OSBPL1A: variants seen among roughly 807,000 people sequenced by gnomAD.
OSBPL1A encodes the protein oxysterol-binding protein-related protein 1.
Under a neutral mutation model 137.1 loss-of-function variants are expected in OSBPL1A, and 80 were observed. The observed-to-expected ratio is 0.58, with a 90% confidence interval of 0.49 to 0.70. OSBPL1A has a LOEUF of 0.70. OSBPL1A is among the 30% of genes least tolerant of loss of function. The pLI is 0.00. For synonymous variants in OSBPL1A, 365 were observed against 389.7 expected (o/e 0.94, Z 0.75); for missense variants, 970 against 1,129.4 (o/e 0.86, Z 2.02).
chr18:24,336,222 G>T (rs893275887), intron 5 of OSBPL1A, among the ~76,000 whole-genome samples: 1 of 152,142 alleles, frequency 6.6e-6, no homozygotes, highest in Non-Finnish European at 1.5e-5. Flanking sequence ...CAATAAATAC[G>T]TGTTGAATAT....
intron 4 of OSBPL1A, 137 bp downstream of exon 4, chr18:24,366,755 G>T: frequency 1.4e-6 from 1 of 707,600 alleles, no homozygotes; most frequent in East Asian, 3.0e-5. Flanking sequence ...GTGGCCTTTT[G>T]ACCCAAAGTG....
intron 17 of OSBPL1A, among the ~76,000 whole-genome samples, chr18:24,215,362 C>A (rs904660786): frequency 1.3e-5 from 2 of 152,132 alleles, no homozygotes; most frequent in African/African-American, 4.8e-5. Context: ...ATAGCCCAGA[C>A]AATGAGAACA....
chr18:24,175,104 G>GTATATATATATATATATATATA (rs775433072), intron 21 of OSBPL1A, among the ~76,000 whole-genome samples: 3 of 42,720 alleles, frequency 7.0e-5, no homozygotes, highest in East Asian at 8.1e-4. Flanking sequence ...TTTGCCATGT[G>GTATATATATATATATATATATA]TATGTATATA....
chr18:24,166,616 T>G lies in OSBPL1A; in HGVS notation c.2622A>C (p.Leu874Phe). 1.2e-6 allele frequency: 2 copies of G among 1,613,380 alleles called. No homozygotes were observed. Among genetic ancestry groups the G allele is most frequent in the Non-Finnish European group, 1.7e-6 (2 of 1,179,770 alleles). Residue 874 changes from leucine to phenylalanine, a missense_variant, in exon 26 of 28, where the codon TTA becomes TTC. Around this residue, in one of 2 missense-constraint regions of OSBPL1A, gnomAD observed 323 missense variants for 456.8 expected, o/e 0.71. Transcript: ENST00000319481. ...TTTCCATGGCTCTGATGTCAGGCCG[T>G]AACCTGCAGTCTGTCTTGGGAATCA... ...ESVIPKTDCR[L>F]RPDIRAMENG...
intron 13 of OSBPL1A, among the ~76,000 whole-genome samples, chr18:24,307,131 A>T (rs1251176771): frequency 6.6e-6 from 1 of 151,966 alleles, no homozygotes; most frequent in Admixed American, 6.6e-5. Context: ...AACAATGAAA[A>T]AATTACCCAG....
At position 24,172,382 on chromosome 18, in the gene OSBPL1A, T is replaced by C. The variant is rs1466243565; in HGVS notation, c.2195A>G (p.Asn732Ser). The change falls in exon 22 of 28, where the codon AAC (asparagine) becomes AGC (serine). Residue 732 changes from asparagine to serine, a missense_variant. Coordinates refer to ENST00000319481, the MANE Select transcript of OSBPL1A (RefSeq NM_080597.4). ...AGTACCCAAGGTGCCTTACTTGTGG[T>C]TTATAATTTCCACATTGCCATACTG... ...IEQYGNVEII[N>S]HKTGDKCVLN... 6.2e-7 allele frequency: 1 copy of C among 1,611,140 alleles called. No homozygotes were observed. Among genetic ancestry groups the C allele is most frequent in the South Asian group, 1.1e-5 (1 of 90,960 alleles).
chr18:24,348,828 C>T (rs1158928731), intron 4 of OSBPL1A, among the ~76,000 whole-genome samples: 2 of 151,994 alleles, frequency 1.3e-5, no homozygotes, highest in African/African-American at 2.4e-5. Flanking sequence ...CCACAGTCTA[C>T]TATACAAACT....
intron 19 of OSBPL1A, among the ~76,000 whole-genome samples, chr18:24,180,493 ACTT>A (rs1252243441): frequency 2.0e-5 from 3 of 150,330 alleles, no homozygotes; most frequent in Non-Finnish European, 4.5e-5. Context: ...GTATGTGTTA[ACTT>A]CTTCTTGGAA....
intron 16 of OSBPL1A, 120 bp downstream of exon 16, chr18:24,239,100 T>C: frequency 8.2e-7 from 1 of 1,214,686 alleles, no homozygotes; most frequent in Admixed American, 2.6e-5. Context: ...TCGCTATCTG[T>C]TTATTCCAGG....
intron 14 of OSBPL1A, among the ~76,000 whole-genome samples, chr18:24,291,197 C>T (rs965476438): frequency 2.6e-5 from 4 of 152,058 alleles, no homozygotes; most frequent in African/African-American, 9.7e-5. Flanking sequence ...TGTGCAACAA[C>T]TTGAGGTATA....
chr18:24,164,824 C>T (rs1183965511), intron 27 of OSBPL1A, among the ~76,000 whole-genome samples: 1 of 152,226 alleles, frequency 6.6e-6, no homozygotes, highest in Non-Finnish European at 1.5e-5. Context: ...GGGATACCTG[C>T]ATCCCCACGT....
intron 4 of OSBPL1A, among the ~76,000 whole-genome samples, chr18:24,343,746 G>C (rs2091304138): frequency 6.6e-6 from 1 of 152,096 alleles, no homozygotes. Flanking sequence ...AAAATGGTAT[G>C]GGGAAAACTG....
intron 5 of OSBPL1A, among the ~76,000 whole-genome samples, chr18:24,336,048 G>A (rs2091168773): frequency 6.6e-6 from 1 of 152,144 alleles, no homozygotes; most frequent in African/African-American, 2.4e-5. Flanking sequence ...AACTCTTTGA[G>A]AACAGTGACA....
intron 14 of OSBPL1A, among the ~76,000 whole-genome samples, chr18:24,288,536 G>A (rs905170029): frequency 6.6e-6 from 1 of 152,194 alleles, no homozygotes; most frequent in Non-Finnish European, 1.5e-5. Flanking sequence ...GGGAGGCCAA[G>A]GCAGGCAGAT....
At chr18:24,339,748 C>A (rs536662852) in intron 5 of OSBPL1A, among the ~76,000 whole-genome samples, 5 of 152,320 alleles carry the variant, frequency 3.3e-5, no homozygotes, top group African/African-American at 1.2e-4. Flanking sequence ...CTCCACGTTA[C>A]TAAATTCATA....
chr18:24,194,181 T>C (rs937700080), intron 18 of OSBPL1A, among the ~76,000 whole-genome samples: 1 of 152,176 alleles, frequency 6.6e-6, no homozygotes, highest in Non-Finnish European at 1.5e-5. Context: ...CTAAACCATA[T>C]CTGAAATGTT....
At chr18:24,314,927 T>C (rs1396190606) in intron 11 of OSBPL1A, among the ~76,000 whole-genome samples, 1 of 152,172 alleles carries the variant, frequency 6.6e-6, no homozygotes, top group Non-Finnish European at 1.5e-5. Context: ...TCCCACAAGC[T>C]TAGCGTTCCA....
chr18:24,384,740 G>C (rs1230583272), intron 1 of OSBPL1A, among the ~76,000 whole-genome samples: 1 of 151,592 alleles, frequency 6.6e-6, no homozygotes, highest in Non-Finnish European at 1.5e-5. Context: ...CGTGGTGGTG[G>C]GCCCCTGTAA....
intron 3 of OSBPL1A, chr18:24,367,735 C>T (rs1413724825): frequency 6.6e-6 from 1 of 151,300 alleles, no homozygotes; most frequent in Non-Finnish European, 1.5e-5. Flanking sequence ...GAATGAAATA[C>T]CACATTTCCT....
Sources: allele counts gnomAD v4.1 joint callset (sites outside exome capture counted in the v4.1 genomes callset), GRCh38; gene constraint gnomAD v4.1.1; regional missense constraint gnomAD v4.1.1; transcripts MANE v1.5; gene names NCBI Gene and HGNC (gene_info 2026-07-23, HGNC 2026-07-21).